The following MBD5 variants were observed in gnomAD, a reference collection of about 807,000 sequenced individuals.
The protein encoded by MBD5 is methyl-CpG binding domain protein 5, also known as methyl-CpG-binding domain protein 5.
Under a neutral mutation model 117.3 loss-of-function variants are expected in MBD5, and 13 were observed. That is an observed-to-expected ratio of 0.11 (90% CI 0.07 to 0.18). The LOEUF is 0.18. Among genes scored for constraint, MBD5 ranks in the 10% least tolerant of loss-of-function variants. The probability of loss-of-function intolerance (pLI) is 1.00; values close to 1 mark genes in which losing one functional copy is unlikely to be tolerated. For synonymous variants in MBD5, 727 were observed against 766.4 expected (o/e 0.95, Z 0.85); for missense variants, 1,879 against 2,093.8 (o/e 0.90, Z 2.00).
chr2:148,367,114 T>C (rs1397274833), intron 4 of MBD5, among the ~76,000 whole-genome samples: 1 of 152,200 alleles, frequency 6.6e-6, no homozygotes, highest in Non-Finnish European at 1.5e-5. Context: ...AGCATGGTAC[T>C]GGTATCAAAA....
At chr2:148,425,052 CAT>C (rs1705733017) in intron 4 of MBD5, among the ~76,000 whole-genome samples, 1 of 151,940 alleles carries the variant, frequency 6.6e-6, no homozygotes, top group Non-Finnish European at 1.5e-5. Flanking sequence ...AACTGAAAGA[CAT>C]AGAGACGCGA....
intron 1 of MBD5, among the ~76,000 whole-genome samples, chr2:148,138,743 G>C (rs1279192186): frequency 6.6e-6 from 1 of 152,172 alleles, no homozygotes; most frequent in African/African-American, 2.4e-5. Flanking sequence ...ATGGATATGG[G>C]TAGGGAAAGA....
chr2:148,489,640 C>T lies in MBD5; in HGVS notation c.4008C>T (p.Val1336=). Residue 1336 remains valine (V), a synonymous_variant, in exon 11 of 14, where the codon GTC becomes GTT. Transcript: ENST00000642680. ...CAGCCAGCAAAGGAATGCAGGTTGTCATCACCACTGCAGTCAACAGTACAA... is the reference window on the plus strand; with the variant it reads ...CAGCCAGCAAAGGAATGCAGGTTGTTATCACCACTGCAGTCAACAGTACAA... ...VDAASKGMQV[V]ITTAVNSTTQ... 6.2e-7 allele frequency: 1 copy of T among 1,614,148 alleles called. No homozygotes were observed. The highest frequency in any genetic ancestry group is 8.5e-7 in the Non-Finnish European group (1 of 1,180,012).
rs565017772 is a variant in MBD5 at position 148,427,239 on chromosome 2, C to T, written c.-556-30964C>T. ...CTAGTTCCACCATTGTGGAAGTTGG[C>T]GTGGCGATTCCTCAGGGATCTAGAA... On this transcript the variant is annotated intron_variant, in intron 4 of 13. Transcript: ENST00000642680. Among the ~76,000 whole-genome samples the T allele has an allele frequency of 2.0e-4, 31 of 152,192 alleles. No individual in the cohort carries two copies. In the South Asian group the frequency reaches 2.7e-3, roughly 13 times the overall value.
At chr2:148,512,592 C>G (rs1682251296) in intron 13 of MBD5, among the ~76,000 whole-genome samples, 1 of 152,172 alleles carries the variant, frequency 6.6e-6, no homozygotes, top group Non-Finnish European at 1.5e-5. Context: ...ATTTCCCATA[C>G]TTGATTTTGT....
chr2:148,340,991 C>T (rs1325581491), intron 3 of MBD5, among the ~76,000 whole-genome samples: 21 of 151,898 alleles, frequency 1.4e-4, no homozygotes, highest in Admixed American at 1.4e-3. Flanking sequence ...AGCTGTGGCC[C>T]AGAGAAGATA....
At chr2:148,471,292 A>G (rs1019731978) in intron 8 of MBD5, 3 of 152,154 alleles carry the variant, frequency 2.0e-5, no homozygotes, top group Non-Finnish European at 2.9e-5. Context: ...TTTGTGCAAT[A>G]GAGTCCTCAG....
chr2:148,194,968 T>C (rs1698938266), intron 2 of MBD5, among the ~76,000 whole-genome samples: 1 of 152,188 alleles, frequency 6.6e-6, no homozygotes, highest in South Asian at 2.1e-4. Flanking sequence ...AAACTTTTTA[T>C]TAAAAGGACA....
chr2:148,489,920 T>C lies in MBD5; in HGVS notation c.4288T>C (p.Trp1430Arg). 1.9e-6 allele frequency: 3 copies of C among 1,613,558 alleles called. No individual in the cohort carries two copies. The highest frequency in any genetic ancestry group is 1.7e-5 in the Admixed American group (1 of 59,964). ...AAGTTGCCACACATCCAAAAAACAG[T>C]GGGACGGGGAGCAAAGCCCCAGAGG... ...SASCHTSKKQ[W>R]DGEQSPRGER... Residue 1430 changes from tryptophan to arginine, a missense_variant, in exon 11 of 14, where the codon TGG becomes CGG. Physicochemically the swap from Trp to Arg is moderately radical, Grantham distance 101 (BLOSUM62 -3). Coordinates refer to ENST00000642680, the MANE Select transcript of MBD5 (RefSeq NM_001378120.1).
At chr2:148,401,067 A>G (rs767021588) in intron 4 of MBD5, among the ~76,000 whole-genome samples, 6 of 152,148 alleles carry the variant, frequency 3.9e-5, no homozygotes, top group Non-Finnish European at 8.8e-5. Context: ...CATCTGGTCC[A>G]TAAGGAGATT....
At chr2:148,266,524 C>T (rs1700865307) in intron 3 of MBD5, among the ~76,000 whole-genome samples, 1 of 151,910 alleles carries the variant, frequency 6.6e-6, no homozygotes, top group Non-Finnish European at 1.5e-5. Flanking sequence ...AGAAGTTCTA[C>T]CCAATGCAGT....
chr2:148,174,415 C>A (rs952112174), intron 1 of MBD5, among the ~76,000 whole-genome samples: 2 of 151,656 alleles, frequency 1.3e-5, no homozygotes, highest in African/African-American at 4.8e-5. Flanking sequence ...TGGATTTGAC[C>A]GCAAAAGTGC....
chr2:148,220,617 AT>A (rs1374935764), intron 2 of MBD5, among the ~76,000 whole-genome samples: 1 of 152,038 alleles, frequency 6.6e-6, no homozygotes, highest in East Asian at 1.9e-4. Context: ...TTTTATTTTA[AT>A]TTTTGTGGGT....
Position 148,179,230 on chromosome 2 carries a change from G to A in MBD5, c.-831+437G>A, listed in dbSNP as rs185752912. On this transcript the variant is annotated intron_variant, in intron 2 of 13. Transcript: ENST00000642680. ...ATTAGGCGGGCGTGGTGGCAGGCGC[G>A]TGTAGTCCCAGCTACTCGGGAGGCT... Among the ~76,000 whole-genome samples, 5 of 151,700 alleles carry A rather than the reference G, an allele frequency of 3.3e-5. No individual in the cohort carries two copies. The South Asian group carries it at 8.4e-4, about 25-fold the overall frequency.
At chr2:148,050,765 GTC>G (rs1694676985) in intron 1 of MBD5, among the ~76,000 whole-genome samples, 2 of 152,076 alleles carry the variant, frequency 1.3e-5, no homozygotes, top group Admixed American at 1.3e-4. Flanking sequence ...TGGTCTGTAC[GTC>G]TCTCCTTATA....
At chr2:148,067,823 CA>C (rs1203876837) in intron 1 of MBD5, among the ~76,000 whole-genome samples, 3 of 152,216 alleles carry the variant, frequency 2.0e-5, no homozygotes, top group Admixed American at 1.3e-4. Context: ...CCTGTGTGGG[CA>C]AAAGTTTTAA....
At chr2:148,049,011 T>G (rs1694620835) in intron 1 of MBD5, among the ~76,000 whole-genome samples, 1 of 152,176 alleles carries the variant, frequency 6.6e-6, no homozygotes, top group African/African-American at 2.4e-5. Context: ...TAGAATTTCA[T>G]TAGTGATGTT....
intron 3 of MBD5, among the ~76,000 whole-genome samples, chr2:148,276,734 G>T (rs981549684): frequency 1.3e-5 from 2 of 152,180 alleles, no homozygotes; most frequent in South Asian, 2.1e-4. Flanking sequence ...TCATGTAAGA[G>T]ATTTTTTTGA....
chr2:148,354,231 T>C (rs571008262), intron 4 of MBD5, among the ~76,000 whole-genome samples: 92 of 152,216 alleles, frequency 6.0e-4, no homozygotes, highest in African/African-American at 2.0e-3. Context: ...CTGCATGCAT[T>C]AGATAATTGT....
Sources: allele counts gnomAD v4.1 joint callset (sites outside exome capture counted in the v4.1 genomes callset), GRCh38; gene constraint gnomAD v4.1.1; transcripts MANE v1.5; gene names NCBI Gene and HGNC (gene_info 2026-07-23, HGNC 2026-07-21).